ANXA8: variants seen among roughly 807,000 people sequenced by gnomAD.
ANXA8 encodes annexin A8.
A neutral mutation model predicts 26.8 loss-of-function variants in ANXA8; 9 were observed. That is an observed-to-expected ratio of 0.34 (90% CI 0.20 to 0.59). ANXA8 has a LOEUF of 0.59. Among genes scored for constraint, ANXA8 ranks in the 20% least tolerant of loss-of-function variants. The pLI, the probability that ANXA8 is intolerant of heterozygous loss-of-function variation, is 0.84. For synonymous variants in ANXA8, 39 were observed against 94.8 expected (o/e 0.41, Z 3.42); for missense variants, 83 against 238.5 (o/e 0.35, Z 4.29).
chr10:47,665,936 T>G, the ANXA8 span, among the ~76,000 whole-genome samples: 1 of 151,994 alleles, frequency 6.6e-6, no homozygotes, highest in Non-Finnish European at 1.5e-5. Context: ...ATGCTTGTCC[T>G]AGCATTACTG....
the ANXA8 span, among the ~76,000 whole-genome samples, chr10:47,571,016 C>T: frequency 6.6e-6 from 1 of 150,412 alleles, no homozygotes; most frequent in African/African-American, 2.5e-5. Context: ...AACTATCTCA[C>T]TCACACTTTT....
the ANXA8 span, among the ~76,000 whole-genome samples, chr10:47,943,817 A>G: frequency 2.0e-5 from 3 of 148,280 alleles, no homozygotes; most frequent in Non-Finnish European, 4.4e-5. Context: ...GTGGGCTGCA[A>G]CTGCATCATC....
At chr10:47,986,429 T>C in the ANXA8 span, 1 of 220,814 alleles carries the variant, frequency 4.5e-6, no homozygotes, top group African/African-American at 2.4e-5. Flanking sequence ...TTTCTCCTAG[T>C]CTTTTACTTG....
At chr10:47,658,081 T>C in the ANXA8 span, among the ~76,000 whole-genome samples, 1 of 151,846 alleles carries the variant, frequency 6.6e-6, no homozygotes, top group Non-Finnish European at 1.5e-5. Context: ...CAAAATCATG[T>C]GTATAGGGCC....
At chr10:47,907,351 C>T in the ANXA8 span, among the ~76,000 whole-genome samples, 3 of 151,442 alleles carry the variant, frequency 2.0e-5, no homozygotes, top group Admixed American at 6.6e-5. Context: ...AGCGAGACTC[C>T]GTCTCAAATT....
the ANXA8 span, among the ~76,000 whole-genome samples, chr10:47,607,932 A>C: frequency 7.7e-6 from 1 of 130,620 alleles, no homozygotes; most frequent in Admixed American, 7.6e-5. Flanking sequence ...AAATATGAAA[A>C]CTGTTTAATC....
the ANXA8 span, among the ~76,000 whole-genome samples, chr10:47,704,603 T>G: frequency 6.6e-6 from 1 of 151,260 alleles, no homozygotes; most frequent in African/African-American, 2.4e-5. Context: ...GAAATAAAAC[T>G]GCCATTATTA....
the ANXA8 span, among the ~76,000 whole-genome samples, chr10:47,660,681 G>GT: frequency 6.6e-6 from 1 of 151,582 alleles, no homozygotes; most frequent in African/African-American, 2.4e-5. Flanking sequence ...GATTACAGGC[G>GT]TGAGCCACTG....
chr10:47,487,053 C>G (rs1840062005), upstream of ANXA8, among the ~76,000 whole-genome samples: 1 of 151,352 alleles, frequency 6.6e-6, no homozygotes, highest in Non-Finnish European at 1.5e-5. Context: ...ATAGTAATAC[C>G]AAATATTCAA....
chr10:47,500,900 A>AT, the ANXA8 span, among the ~76,000 whole-genome samples: 31 of 109,100 alleles, frequency 2.8e-4, no homozygotes, highest in Non-Finnish European at 4.2e-4. Flanking sequence ...CGCCCAGCTA[A>AT]TTTTTTTTTT....
chr10:47,948,890 A>G, the ANXA8 span, among the ~76,000 whole-genome samples: 1 of 151,602 alleles, frequency 6.6e-6, no homozygotes, highest in South Asian at 2.1e-4. Context: ...TGAATAGAAC[A>G]GACAGACTGA....
At chr10:47,698,781 T>A in the ANXA8 span, among the ~76,000 whole-genome samples, 1 of 152,060 alleles carries the variant, frequency 6.6e-6, no homozygotes, top group African/African-American at 2.4e-5. Flanking sequence ...TGAGCCATGA[T>A]TGTACCACAG....
chr10:47,506,769 A>G, the ANXA8 span, among the ~76,000 whole-genome samples: 1 of 144,692 alleles, frequency 6.9e-6, no homozygotes, highest in Non-Finnish European at 1.5e-5. Flanking sequence ...CCTCCAGAAT[A>G]CGTGGGACTA....
the ANXA8 span, among the ~76,000 whole-genome samples, chr10:47,731,050 C>A: frequency 1.3e-5 from 2 of 150,286 alleles, no homozygotes; most frequent in African/African-American, 4.9e-5. Context: ...ATGTATTTAC[C>A]AGCAAACATG....
the ANXA8 span, among the ~76,000 whole-genome samples, chr10:47,701,877 G>C: frequency 6.6e-6 from 1 of 151,740 alleles, no homozygotes; most frequent in Non-Finnish European, 1.5e-5. Flanking sequence ...ACACAGAAGG[G>C]GGTGGGGAAG....
At chr10:47,958,898 C>T in the ANXA8 span, among the ~76,000 whole-genome samples, 3 of 150,152 alleles carry the variant, frequency 2.0e-5, no homozygotes, top group African/African-American at 7.5e-5. Context: ...CAATTACCTC[C>T]ATCTATCTAG....
At chr10:47,753,126 A>T in the ANXA8 span, 554 of 980,776 alleles carry the variant, frequency 5.6e-4, no homozygotes, top group Non-Finnish European at 6.3e-4. Context: ...TAAAATAAAA[A>T]AAAAAAAGAA....
chr10:47,775,295 C>T, the ANXA8 span, among the ~76,000 whole-genome samples: 3 of 143,660 alleles, frequency 2.1e-5, no homozygotes, highest in Non-Finnish European at 4.6e-5. Context: ...ATCACTTGAA[C>T]CTGGGAGGCA....
At chr10:47,584,954 G>T in the ANXA8 span, among the ~76,000 whole-genome samples, 1 of 147,208 alleles carries the variant, frequency 6.8e-6, no homozygotes, top group East Asian at 1.9e-4. Context: ...CACGCATGGT[G>T]GCAGGCGCCT....
Sources: gnomAD v4.1 joint callset for allele counts (sites outside exome capture counted in the v4.1 genomes callset) on GRCh38, gnomAD v4.1.1 for gene constraint, MANE v1.5 for transcripts, NCBI Gene and HGNC (gene_info 2026-07-23, HGNC 2026-07-21) for gene names.